Variants in SORCS3 observed in about 807,000 individuals in gnomAD.
SORCS3 encodes the protein sortilin related VPS10 domain containing receptor 3.
A neutral mutation model predicts 146.3 loss-of-function variants in SORCS3; 57 were observed. That is an observed-to-expected ratio of 0.39 (90% CI 0.31 to 0.49). SORCS3 has a LOEUF of 0.49. SORCS3 is among the 20% of genes least tolerant of loss of function. SORCS3 has a pLI of 0.92. For missense variants in SORCS3, 1,341 were observed against 1,575.5 expected (o/e 0.85, Z 2.52); for synonymous variants, 653 against 618.5 (o/e 1.06, Z -0.83).
At chr10:105,011,331 G>A (rs1267991946) in intron 4 of SORCS3, among the ~76,000 whole-genome samples, 1 of 152,136 alleles carries the variant, frequency 6.6e-6, no homozygotes, top group Non-Finnish European at 1.5e-5. Flanking sequence ...TCATGCCTTT[G>A]TAGTCCTTCT....
Position 104,671,325 on chromosome 10 carries a change from C to CTTTTTTTTTTT in SORCS3, c.627+29388_627+29398dup, listed in dbSNP as rs771029154. Among the ~76,000 whole-genome samples the CTTTTTTTTTTT allele has an allele frequency of 2.3e-3, 45 of 19,200 alleles. 18 individuals are homozygous for CTTTTTTTTTTT. The highest frequency in any genetic ancestry group is 4.9e-3 in the Admixed American group (4 of 814). The allele number at this position is 19,200 out of a possible 152,430, so 12.6% of individuals were successfully genotyped here. ...ATGTTAAGGTAGTTTCATTCTTTTC[C>CTTTTTTTTTTT]TTTTTTTTTTTTTTTTTTTTTTTTT... On this transcript the variant is annotated intron_variant, in intron 1 of 26. Transcript: ENST00000369701.
chr10:104,884,601 G>A (rs1240952127), intron 2 of SORCS3, among the ~76,000 whole-genome samples: 2 of 152,128 alleles, frequency 1.3e-5, no homozygotes, highest in Admixed American at 6.6e-5. Context: ...TGTATGGGAA[G>A]TGTGTGAAAG....
chr10:105,257,789 CA>C, intron 25 of SORCS3, among the ~76,000 whole-genome samples: 1 of 152,186 alleles, frequency 6.6e-6, no homozygotes, highest in African/African-American at 2.4e-5. Flanking sequence ...ACTAAGTAAT[CA>C]AAAAAGCTAT....
chr10:104,979,718 A>C (rs977600295), intron 4 of SORCS3, among the ~76,000 whole-genome samples: 3 of 152,190 alleles, frequency 2.0e-5, no homozygotes, highest in South Asian at 2.1e-4. Context: ...ACATTTGCAG[A>C]GGAAAAGCCA....
At chr10:104,723,153 T>C (rs1222223625) in intron 1 of SORCS3, among the ~76,000 whole-genome samples, 3 of 152,244 alleles carry the variant, frequency 2.0e-5, no homozygotes, top group South Asian at 4.1e-4. Context: ...GCTTTGAATG[T>C]GTCCCAGAGA....
chr10:105,215,706 G>C (rs898359661), intron 18 of SORCS3, among the ~76,000 whole-genome samples: 1 of 152,092 alleles, frequency 6.6e-6, no homozygotes, highest in African/African-American at 2.4e-5. Context: ...ATAAACTCAA[G>C]GATAGTTGAC....
At chr10:104,856,392 GGA>G (rs973399297) in intron 2 of SORCS3, among the ~76,000 whole-genome samples, 7 of 147,660 alleles carry the variant, frequency 4.7e-5, no homozygotes, top group African/African-American at 1.5e-4. Flanking sequence ...CTATAGAAAG[GGA>G]GAGAGAGAGA....
intron 1 of SORCS3, among the ~76,000 whole-genome samples, chr10:104,747,919 G>A (rs1215027087): frequency 6.6e-6 from 1 of 152,218 alleles, no homozygotes; most frequent in African/African-American, 2.4e-5. Context: ...GAAACCTTGG[G>A]AAAGTTCTTC....
intron 1 of SORCS3, among the ~76,000 whole-genome samples, chr10:104,797,061 A>G (rs1020248743): frequency 2.0e-5 from 3 of 152,236 alleles, no homozygotes; most frequent in African/African-American, 7.2e-5. Context: ...ACAAGGTGGC[A>G]TTCATCCCTA....
At chr10:105,158,833 G>A in intron 10 of SORCS3, 59 bp from the exon 11 acceptor site, 1 of 1,321,598 alleles carries the variant, frequency 7.6e-7, no homozygotes, top group Non-Finnish European at 1.1e-6. Flanking sequence ...TCTCTAGTGG[G>A]GCAGGGGTAC....
At chr10:104,909,329 A>G (rs947848719) in intron 2 of SORCS3, among the ~76,000 whole-genome samples, 1 of 152,180 alleles carries the variant, frequency 6.6e-6, no homozygotes, top group African/African-American at 2.4e-5. Flanking sequence ...AGCCCATGTC[A>G]GATGCCGTGG....
At chr10:105,097,927 C>A (rs548627711) in intron 6 of SORCS3, among the ~76,000 whole-genome samples, 1 of 152,320 alleles carries the variant, frequency 6.6e-6, no homozygotes, top group East Asian at 1.9e-4. Context: ...ACCCATAGAA[C>A]ATATGCCACC....
At chr10:105,107,209 A>G (rs2133754549) in intron 7 of SORCS3, among the ~76,000 whole-genome samples, 1 of 152,098 alleles carries the variant, frequency 6.6e-6, no homozygotes, top group South Asian at 2.1e-4. Flanking sequence ...AAATGAACCC[A>G]CAGCCTCTGT....
intron 13 of SORCS3, among the ~76,000 whole-genome samples, chr10:105,172,374 T>C (rs2119541825): frequency 6.6e-6 from 1 of 152,330 alleles, no homozygotes; most frequent in African/African-American, 2.4e-5. Flanking sequence ...AGTGTGTACT[T>C]GGGAACTTAT....
intron 2 of SORCS3, among the ~76,000 whole-genome samples, chr10:104,913,158 G>A (rs1159823336): frequency 5.3e-5 from 8 of 152,134 alleles, no homozygotes; most frequent in African/African-American, 1.9e-4. Context: ...TGTGCATTGG[G>A]CAATTACTAC....
chr10:104,909,462 C>A (rs1238396213), intron 2 of SORCS3, among the ~76,000 whole-genome samples: 2 of 152,088 alleles, frequency 1.3e-5, no homozygotes, highest in African/African-American at 4.8e-5. Flanking sequence ...TAGATTGTAT[C>A]CCTCAGAAGG....
chr10:105,029,020 A>G (rs912865923), intron 4 of SORCS3, among the ~76,000 whole-genome samples: 2 of 152,172 alleles, frequency 1.3e-5, no homozygotes, highest in African/African-American at 4.8e-5. Context: ...CTATGTTCCA[A>G]TCAAACTATC....
At chr10:104,802,057 G>A (rs1431128534) in intron 1 of SORCS3, among the ~76,000 whole-genome samples, 1 of 152,096 alleles carries the variant, frequency 6.6e-6, no homozygotes. Context: ...ATATTTTGGT[G>A]AGTCATTCTT....
intron 1 of SORCS3, among the ~76,000 whole-genome samples, chr10:104,815,681 G>T (rs574848239): frequency 4.6e-5 from 7 of 151,788 alleles, no homozygotes; most frequent in African/African-American, 1.4e-4. Flanking sequence ...TTTTTTTTAA[G>T]GTAGGCTTCA....
Sources: gnomAD v4.1 joint callset for allele counts (sites outside exome capture counted in the v4.1 genomes callset) on GRCh38, gnomAD v4.1.1 for gene constraint, MANE v1.5 for transcripts, NCBI Gene and HGNC (gene_info 2026-07-23, HGNC 2026-07-21) for gene names.